Variants in VLDLR observed in about 807,000 individuals in gnomAD.
The protein encoded by VLDLR is very low-density lipoprotein receptor.
Under a neutral mutation model 112.7 loss-of-function variants are expected in VLDLR, and 81 were observed. The ratio of observed to expected loss-of-function variants is 0.72; its 90% CI spans 0.60 to 0.86. The LOEUF (loss-of-function observed/expected upper bound fraction) is 0.86, where lower values mean the gene tolerates loss of function less well. VLDLR is among the 40% of genes least tolerant of loss of function. The pLI, the probability that VLDLR is intolerant of heterozygous loss-of-function variation, is 0.00. For synonymous variants in VLDLR, 436 were observed against 384.8 expected (o/e 1.13, Z -1.56); for missense variants, 1,237 against 1,099.4 (o/e 1.13, Z -1.77).
At chr9:2,650,318 A>G (rs1465449214) in intron 14 of VLDLR, 52 bp from the exon 15 acceptor site, 12 of 1,610,830 alleles carry the variant, frequency 7.4e-6, no homozygotes, top group South Asian at 1.1e-5. Flanking sequence ...AAGGCTTTAT[A>G]TATACTAGGC....
intron 1 of VLDLR, among the ~76,000 whole-genome samples, chr9:2,622,983 C>T (rs905997852): frequency 6.6e-6 from 1 of 152,244 alleles, no homozygotes; most frequent in African/African-American, 2.4e-5. Context: ...TTGGAAACCG[C>T]TCGGGTCTCC....
intron 1 of VLDLR, among the ~76,000 whole-genome samples, chr9:2,624,908 C>T (rs980208867): frequency 2.6e-5 from 4 of 152,286 alleles, no homozygotes; most frequent in African/African-American, 9.6e-5. Context: ...ACCCTCTTGC[C>T]CACTTTATGT....
In VLDLR at chr9:2,653,931, C is replaced by T. The variant is rs17848373; in HGVS notation, c.*63C>T. 1.5e-4 allele frequency: 239 copies of T among 1,558,598 alleles called. 2 individuals are homozygous for T. The East Asian group carries it at 4.2e-3, about 28-fold the overall frequency. The stretch of plus-strand genomic sequence containing the variant: ...ATAATACCCCCGTCGGAATGGTAAC[C>T]GAGCCAGCAGCTGAAGTCTCTTTTT... On this transcript the variant is annotated 3_prime_UTR_variant, in exon 19 of 19. Transcript: ENST00000382100.
In VLDLR at chr9:2,654,072, A is replaced by G. The variant is rs1818487826; in HGVS notation, c.*204A>G. On this transcript the variant is annotated 3_prime_UTR_variant, in exon 19 of 19. Transcript: ENST00000382100. ...TGTCCACATTCTACTTCAGCTTTGG[A>G]TGTGGTTACCGAGTATCTGTAACCC... The G allele has an allele frequency of 1.7e-6, 1 of 580,196 alleles. No individual in the cohort carries two copies. Among genetic ancestry groups the G allele is most frequent in the Admixed American group, 2.8e-5 (1 of 35,542 alleles). The allele number at this position is 580,196 out of a possible 1,614,324, so 35.9% of individuals were successfully genotyped here. A position where few individuals can be genotyped will look rare whatever the true frequency, so the allele number is the denominator to read the frequency against.
intron 18 of VLDLR, among the ~76,000 whole-genome samples, chr9:2,653,325 T>C (rs1380786808): frequency 1.3e-5 from 2 of 152,214 alleles, no homozygotes; most frequent in Non-Finnish European, 2.9e-5. Flanking sequence ...GTCAGTGTAT[T>C]GAGTAAGATT....
In VLDLR at chr9:2,645,641, A is replaced by G. The variant is rs772954473; in HGVS notation, c.1380A>G (p.Glu460=). The change falls in exon 10 of 19, where the codon GAA becomes GAG. Residue 460 remains glutamate, a synonymous_variant. Coordinates refer to ENST00000382100, the MANE Select transcript of VLDLR (RefSeq NM_003383.5). ...GGAAGATTGGCTTAGAGAGGAAAGA[A>G]TATATCCAACTAGTTGAACAGCTAA... ...DIRKIGLERK[E]YIQLVEQLRN... 3 of 1,614,094 alleles carry G rather than the reference A, an allele frequency of 1.9e-6. No individual in the cohort carries two copies. The African/African-American group carries it at 4.0e-5, about 22-fold the overall frequency.
At chr9:2,631,975 G>T (rs189756256) in intron 1 of VLDLR, among the ~76,000 whole-genome samples, 41 of 152,198 alleles carry the variant, frequency 2.7e-4, no homozygotes, top group African/African-American at 9.4e-4. Context: ...CTTGAAGTTA[G>T]TGTGCATATT....
At chr9:2,640,065 G>T in intron 3 of VLDLR, 84 bp downstream of exon 3, 1 of 1,610,176 alleles carries the variant, frequency 6.2e-7, no homozygotes. Flanking sequence ...CTCCTACTTG[G>T]TATTCATTTT....
rs752286288 is a variant in VLDLR, at chr9:2,653,691, ATTC to A, written c.2587-139_2587-137del. The A allele has an allele frequency of 7.5e-4, 624 of 837,188 alleles. 1 individual carries two copies. Among genetic ancestry groups the A allele is most frequent in the Non-Finnish European group, 1.1e-3 (525 of 479,906 alleles). The allele number at this position is 837,188 out of a possible 1,614,324, so 51.9% of individuals were successfully genotyped here. On this transcript the variant is annotated intron_variant, in intron 18 of 18. Coordinates refer to ENST00000382100, the MANE Select transcript of VLDLR (RefSeq NM_003383.5). Reference sequence around the variant, plus strand: ...AAATGCATGAATGATACAACTCAGTATTCTTTTGTATCTGACTGACTTTTCTTC... The same window carrying A: ...AAATGCATGAATGATACAACTCAGTATTTTGTATCTGACTGACTTTTCTTC...
Position 2,646,395 on chromosome 9 carries a change from G to T in VLDLR, c.1546G>T (p.Ala516Ser). ...VKMIDNVYNP[A>S]AIAVDWVYKT... is the part of the protein sequence containing the mutation. ...AATGATCGACAATGTCTATAATCCT[G>T]CAGCCATTGCTGTTGATTGGGTGTA... The change falls in exon 11 of 19, where the codon GCA becomes TCA. Residue 516 changes from alanine to serine, a missense_variant. Coordinates refer to ENST00000382100, the MANE Select transcript of VLDLR (RefSeq NM_003383.5). 6.2e-7 allele frequency: 1 copy of T among 1,614,174 alleles called. No individual in the cohort carries two copies. The highest frequency in any genetic ancestry group is 2.2e-5 in the East Asian group (1 of 44,882).
intron 14 of VLDLR, among the ~76,000 whole-genome samples, chr9:2,649,947 T>C (rs1241961812): frequency 1.4e-4 from 21 of 152,200 alleles, no homozygotes; most frequent in Admixed American, 1.3e-3. Context: ...TCTATCTAAA[T>C]AAAGCCTTCA....
At chr9:2,635,712 T>A in intron 2 of VLDLR, 140 bp downstream of exon 2, 1 of 1,328,076 alleles carries the variant, frequency 7.5e-7, no homozygotes, top group South Asian at 1.3e-5. Context: ...TGTAAAGGAA[T>A]AAAATTGAAT....
At position 2,635,730 on chromosome 9, in the gene VLDLR, G is replaced by A. The variant is rs138179675; in HGVS notation, c.202+158G>A. Among the ~76,000 whole-genome samples the A allele has an allele frequency of 3.4e-3, 514 of 152,280 alleles. 5 individuals are homozygous for A. Among genetic ancestry groups the A allele is most frequent in the African/African-American group, 0.012 (488 of 41,554 alleles). The stretch of plus-strand genomic sequence containing the variant: ...AAAGGAATAAAATTGAATGTTTGAC[G>A]TGGGGTTATCAACTTGAGAATGGAA... On this transcript the variant is annotated intron_variant, in intron 2 of 18. Coordinates refer to ENST00000382100, the MANE Select transcript of VLDLR (RefSeq NM_003383.5).
At chr9:2,622,382 G>A in intron 1 of VLDLR, 111 bp downstream of exon 1, 1 of 966,704 alleles carries the variant, frequency 1.0e-6, no homozygotes. Context: ...GCGCCTCTCG[G>A]TTCTCCTCGC....
At chr9:2,622,570 C>T (rs1297317862) in intron 1 of VLDLR, among the ~76,000 whole-genome samples, 1 of 152,240 alleles carries the variant, frequency 6.6e-6, no homozygotes, top group Non-Finnish European at 1.5e-5. Context: ...GCCCTCTTGA[C>T]GGGCGCCGAG....
At chr9:2,649,402 G>A (rs34625249) in intron 14 of VLDLR, among the ~76,000 whole-genome samples, 291 of 151,908 alleles carry the variant, frequency 1.9e-3, no homozygotes, top group African/African-American at 6.7e-3. Context: ...TTCTTTTTCT[G>A]TTTTTTGGAG....
At position 2,654,826 on chromosome 9, in the gene VLDLR, T is replaced by C. The variant is rs186161453; in HGVS notation, c.*958T>C. 1 of 152,340 alleles carries C rather than the reference T, an allele frequency of 6.6e-6. No homozygotes were observed. The highest frequency in any genetic ancestry group is 1.9e-4 in the East Asian group (1 of 5,182). The allele number at this position is 152,340 out of a possible 1,614,324, so 9.4% of individuals were successfully genotyped here. On this transcript the variant is annotated 3_prime_UTR_variant, in exon 19 of 19. Transcript: ENST00000382100. ...ATAGTTAAGTCTCTGTTTTCCATGTTCTGTCATTTATATAGGTCAAGGACA... is the reference window on the plus strand; with the variant it reads ...ATAGTTAAGTCTCTGTTTTCCATGTCCTGTCATTTATATAGGTCAAGGACA...
chr9:2,629,982 C>T (rs1341226517), intron 1 of VLDLR, among the ~76,000 whole-genome samples: 2 of 152,168 alleles, frequency 1.3e-5, no homozygotes, highest in African/African-American at 4.8e-5. Flanking sequence ...TTAGCAGACA[C>T]TGGGTTTCAC....
intron 14 of VLDLR, 101 bp downstream of exon 14, chr9:2,648,911 A>G: frequency 1.3e-6 from 2 of 1,503,976 alleles, no homozygotes; most frequent in Non-Finnish European, 1.8e-6. Flanking sequence ...AGTTTTCTTT[A>G]AAAGGGAACT....
Sources: gnomAD v4.1 joint callset for allele counts (sites outside exome capture counted in the v4.1 genomes callset) on GRCh38, gnomAD v4.1.1 for gene constraint, MANE v1.5 for transcripts, NCBI Gene and HGNC (gene_info 2026-07-23, HGNC 2026-07-21) for gene names.